ADAMTS2: variants seen among roughly 807,000 people sequenced by gnomAD.
The protein encoded by ADAMTS2 is A disintegrin and metalloproteinase with thrombospondin motifs 2.
ADAMTS2 carries 50 observed loss-of-function variants against 123.0 expected under a neutral mutation model. The observed-to-expected ratio is 0.41, with a 90% CI of 0.32 to 0.51. The LOEUF (loss-of-function observed/expected upper bound fraction) is 0.51. Ranked by LOEUF, ADAMTS2 falls within the 20% of genes least tolerant of loss-of-function variation. The pLI is 0.35. For missense variants in ADAMTS2, 1,494 were observed against 1,705.2 expected, an observed-to-expected ratio of 0.88 and a Z score of 2.18; for synonymous variants, 678 against 695.4, an observed-to-expected ratio of 0.98 and a Z score of 0.39.
At position 179,115,791 on chromosome 5, in the gene ADAMTS2, C is replaced by G. The variant is rs530071482; in HGVS notation, c.3179-1467G>C. Among the ~76,000 whole-genome samples the G allele has an allele frequency of 3.3e-5, 5 of 152,318 alleles. No homozygotes were observed. Among genetic ancestry groups the G allele is most frequent in the Non-Finnish European group, 4.4e-5 (3 of 68,032 alleles). ...CACCAACATATGACACAATCTACAC[C>G]TGAAGCTGTCCAAAACAGACAAGAC... On this transcript the variant is annotated intron_variant, in intron 21 of 21. Coordinates refer to ENST00000251582, the MANE Select transcript of ADAMTS2 (RefSeq NM_014244.5). The surrounding 1 kb of genome is among the most constrained non-coding windows in gnomAD (Gnocchi z 4.4).
intron 19 of ADAMTS2, 67 bp downstream of exon 19, chr5:179,124,906 A>G: frequency 6.3e-7 from 1 of 1,591,712 alleles, no homozygotes; most frequent in Non-Finnish European, 8.5e-7. Flanking sequence ...CAGCGCACGG[A>G]GCGCACCTGC....
intron 2 of ADAMTS2, among the ~76,000 whole-genome samples, chr5:179,309,356 C>T (rs1448116994): frequency 2.0e-5 from 3 of 152,198 alleles, no homozygotes; most frequent in African/African-American, 7.2e-5. Flanking sequence ...AAAGCCATCC[C>T]AGTCAGATGT....
At chr5:179,206,631 C>T (rs1305723389) in intron 4 of ADAMTS2, among the ~76,000 whole-genome samples, 2 of 152,206 alleles carry the variant, frequency 1.3e-5, no homozygotes, top group Middle Eastern at 3.2e-3. Context: ...TTCTCACCCC[C>T]TTCTTTTCCC....
In ADAMTS2 at chr5:179,125,116, A is replaced by G; in HGVS notation, c.2815T>C (p.Ser939Pro). 6.2e-7 allele frequency: 1 copy of G among 1,612,958 alleles called. No homozygotes were observed. Among genetic ancestry groups the G allele is most frequent in the Non-Finnish European group, 8.5e-7 (1 of 1,179,902 alleles). ...TGTAGCGGCTGAATGCAGCGCACGG[A>G]GCGCACCTGCATGCCTGTCCGCCCA... ...TCGRTGMQVR[S>P]VRCIQPLHDN... The change falls in exon 19 of 22, where the codon TCC becomes CCC. Residue 939 changes from serine to proline, a missense_variant. Transcript: ENST00000251582.
At chr5:179,341,471 C>T in intron 2 of ADAMTS2, 1 of 206,800 alleles carries the variant, frequency 4.8e-6, no homozygotes, top group East Asian at 1.6e-4. Context: ...GAGGCCGAGG[C>T]AGGCAGATCA....
Position 179,317,233 on chromosome 5 carries a change from G to A in ADAMTS2, c.534+26534C>T, listed in dbSNP as rs1213535925. On this transcript the variant is annotated intron_variant, in intron 2 of 21. Transcript: ENST00000251582. The surrounding 1 kb of genome is among the most constrained non-coding windows in gnomAD (Gnocchi z 4.9). The stretch of plus-strand genomic sequence containing the variant: ...CACTTTGGCGTCTTTCCTCCCAGTG[G>A]TTTCTTGGTAGTTCCTCATAAATCC... 6.6e-6 allele frequency among the ~76,000 whole-genome samples: 1 copy of A among 152,168 alleles called. No homozygotes were observed. The highest frequency in any genetic ancestry group is 1.9e-4 in the East Asian group (1 of 5,182).
At chr5:179,298,080 G>A (rs1025367241) in intron 2 of ADAMTS2, among the ~76,000 whole-genome samples, 1 of 152,124 alleles carries the variant, frequency 6.6e-6, no homozygotes, top group African/African-American at 2.4e-5. Context: ...CAGCACCAGA[G>A]GCCAGGGTCC....
intron 4 of ADAMTS2, among the ~76,000 whole-genome samples, chr5:179,194,040 G>A (rs1056743306): frequency 6.6e-6 from 1 of 152,228 alleles, no homozygotes; most frequent in East Asian, 1.9e-4. Flanking sequence ...TGTCATCCGG[G>A]TGTGTGGATG....
chr5:179,206,676 G>A (rs1054288846), intron 4 of ADAMTS2, among the ~76,000 whole-genome samples: 2 of 152,196 alleles, frequency 1.3e-5, no homozygotes, highest in Admixed American at 1.3e-4. Flanking sequence ...GCTCCCCTGG[G>A]AGCCTGCATT....
At chr5:179,293,419 G>T (rs1756243028) in intron 2 of ADAMTS2, among the ~76,000 whole-genome samples, 1 of 152,256 alleles carries the variant, frequency 6.6e-6, no homozygotes, top group Non-Finnish European at 1.5e-5. Flanking sequence ...ACTGCAGTGA[G>T]TCAGAGCCGT....
chr5:179,144,983 A>G (rs934245443), intron 10 of ADAMTS2, among the ~76,000 whole-genome samples: 1 of 152,262 alleles, frequency 6.6e-6, no homozygotes, highest in Non-Finnish European at 1.5e-5. Flanking sequence ...GACCACTTAC[A>G]CTGGTGAGTG....
intron 2 of ADAMTS2, among the ~76,000 whole-genome samples, chr5:179,322,063 G>A (rs1378548253): frequency 6.6e-6 from 1 of 152,244 alleles, no homozygotes; most frequent in East Asian, 1.9e-4. Flanking sequence ...TTACACATAT[G>A]TGCATGGACG....
At chr5:179,136,537 C>T (rs893418404) in intron 12 of ADAMTS2, among the ~76,000 whole-genome samples, 4 of 151,636 alleles carry the variant, frequency 2.6e-5, no homozygotes, top group Non-Finnish European at 2.9e-5. Context: ...TGGTGGTGAG[C>T]GCCTGTAATC....
At chr5:179,329,195 CG>C (rs1344002447) in intron 2 of ADAMTS2, among the ~76,000 whole-genome samples, 3 of 151,928 alleles carry the variant, frequency 2.0e-5, no homozygotes, top group African/African-American at 7.3e-5. Flanking sequence ...GGTGTGGTGG[CG>C]GGCGCCTGTA....
Position 179,262,371 on chromosome 5 carries a change from A to G in ADAMTS2, c.688+10540T>C, listed in dbSNP as rs1399718172. Among the ~76,000 whole-genome samples, 3 of 151,292 alleles carry G rather than the reference A, an allele frequency of 2.0e-5. No individual in the cohort carries two copies. Among genetic ancestry groups the G allele is most frequent in the Non-Finnish European group, 3.0e-5 (2 of 67,750 alleles). On this transcript the variant is annotated intron_variant, in intron 3 of 21. Coordinates refer to ENST00000251582, the MANE Select transcript of ADAMTS2 (RefSeq NM_014244.5). The surrounding 1 kb of genome is among the most constrained non-coding windows in gnomAD (Gnocchi z 5.9). ...TCCTGAACCCACTGCCTCCACCGCC[A>G]TCTGTCACCGGGACTCCTCCCTGCT...
Position 179,180,565 on chromosome 5 carries a change from A to C in ADAMTS2, c.975+507T>G, listed in dbSNP as rs953691641. Among the ~76,000 whole-genome samples the C allele has an allele frequency of 1.3e-5, 2 of 152,098 alleles. No homozygotes were observed. Among genetic ancestry groups the C allele is most frequent in the African/African-American group, 4.8e-5 (2 of 41,412 alleles). On this transcript the variant is annotated intron_variant, in intron 5 of 21. Transcript: ENST00000251582. This position sits in a 1 kb window ranked among gnomAD's most constrained non-coding sequence, Gnocchi z 4.6. ...ATACAAACCAACCAATCCAGCGCCC[A>C]TGTCCCCAGCCACCTCCTTTATCAG... is the stretch of plus-strand genomic sequence containing the variant.
At chr5:179,140,863 G>C (rs1045569130) in intron 10 of ADAMTS2, among the ~76,000 whole-genome samples, 2 of 134,664 alleles carry the variant, frequency 1.5e-5, no homozygotes, top group Non-Finnish European at 3.1e-5. Context: ...GTGCAGTGAC[G>C]ATCTTGGCTC....
At chr5:179,163,091 C>T (rs952655797) in intron 5 of ADAMTS2, among the ~76,000 whole-genome samples, 25 of 152,142 alleles carry the variant, frequency 1.6e-4, no homozygotes, top group African/African-American at 4.3e-4. Flanking sequence ...GACAGAGCTG[C>T]GGGAGGAGCC....
chr5:179,224,965 G>C (rs1427298988), intron 3 of ADAMTS2, among the ~76,000 whole-genome samples: 1 of 152,192 alleles, frequency 6.6e-6, no homozygotes, highest in African/African-American at 2.4e-5. Context: ...ACCAGAGTGA[G>C]TCCACCTGCC....
Sources: gnomAD v4.1 joint callset for allele counts (sites outside exome capture counted in the v4.1 genomes callset) on GRCh38, gnomAD v4.1.1 for gene constraint, Gnocchi (gnomAD v3.1) non-coding constraint, MANE v1.5 for transcripts, NCBI Gene and HGNC (gene_info 2026-07-23, HGNC 2026-07-21) for gene names.